TUB: variants seen among roughly 807,000 people sequenced by gnomAD.
TUB encodes TUB bipartite transcription factor.
TUB carries 33 observed loss-of-function variants against 59.7 expected under a neutral mutation model. That is an observed-to-expected ratio of 0.55 (90% CI 0.42 to 0.74). The LOEUF is 0.74. Ranked by LOEUF, TUB falls within the 30% of genes least tolerant of loss-of-function variation. The probability of loss-of-function intolerance (pLI) is 0.00; values close to 1 mark genes in which losing one functional copy is unlikely to be tolerated. For synonymous variants in TUB, 293 were observed against 256.4 expected (o/e 1.14, Z -1.36); for missense variants, 659 against 672.0 (o/e 0.98, Z 0.21).
chr11:8,033,374 A>G (rs912243396), intron 1 of TUB, among the ~76,000 whole-genome samples: 10 of 152,170 alleles, frequency 6.6e-5, no homozygotes, highest in Admixed American at 3.3e-4. Context: ...TGTCCGCCCC[A>G]GTTTGAGCAC....
At chr11:8,094,791 A>C (rs894571523) in intron 4 of TUB, among the ~76,000 whole-genome samples, 1 of 152,174 alleles carries the variant, frequency 6.6e-6, no homozygotes, top group African/African-American at 2.4e-5. Flanking sequence ...ACTTTTGTTC[A>C]CGGACAGTGG....
At chr11:8,042,378 TTGA>T (rs1942766150) in intron 2 of TUB, among the ~76,000 whole-genome samples, 1 of 152,240 alleles carries the variant, frequency 6.6e-6, no homozygotes, top group South Asian at 2.1e-4. Context: ...TATTCATCAA[TTGA>T]TGAACATTTG....
chr11:8,081,499 C>A lies in TUB; in HGVS notation c.-12C>A. On this transcript the variant is annotated 5_prime_UTR_variant, in exon 1 of 12. Coordinates refer to ENST00000299506, the MANE Select transcript of TUB (RefSeq NM_177972.3). ...CTCCAGAGCCGCAGCCACCGCCCCGCCCCCGAGAGACATGACTTCCAAGCC... is the reference window on the plus strand; with the variant it reads ...CTCCAGAGCCGCAGCCACCGCCCCGACCCCGAGAGACATGACTTCCAAGCC... The A allele has an allele frequency of 6.5e-7, 1 of 1,533,762 alleles. No homozygotes were observed. The highest frequency in any genetic ancestry group is 1.2e-5 in the South Asian group (1 of 83,248).
At chr11:8,019,824 C>T (rs1276405122) in intron 1 of TUB, among the ~76,000 whole-genome samples, 1 of 151,986 alleles carries the variant, frequency 6.6e-6, no homozygotes, top group African/African-American at 2.4e-5. Flanking sequence ...TGGCCCCGGG[C>T]GGAGTGTCCC....
intron 2 of TUB, 109 bp from the exon 3 acceptor site, chr11:8,089,960 G>T: frequency 7.0e-7 from 1 of 1,419,122 alleles, no homozygotes; most frequent in Non-Finnish European, 9.4e-7. Context: ...GTGTTGGGGT[G>T]CCAAGGACAT....
At chr11:8,087,747 C>T (rs559823908) in intron 1 of TUB, among the ~76,000 whole-genome samples, 5 of 152,248 alleles carry the variant, frequency 3.3e-5, no homozygotes, top group Non-Finnish European at 5.9e-5. Flanking sequence ...CTTATTCAGT[C>T]AGGCTGTTGG....
intron 2 of TUB, among the ~76,000 whole-genome samples, chr11:8,049,729 G>A (rs953786896): frequency 1.3e-5 from 2 of 151,372 alleles, no homozygotes; most frequent in African/African-American, 2.4e-5. Flanking sequence ...TAGTAAATTT[G>A]GAATACATAA....
chr11:8,020,843 A>G (rs992879028), intron 1 of TUB, among the ~76,000 whole-genome samples: 2 of 152,202 alleles, frequency 1.3e-5, no homozygotes, highest in African/African-American at 4.8e-5. Context: ...TCACACATTC[A>G]TTCATTTATT....
intron 1 of TUB, among the ~76,000 whole-genome samples, chr11:8,033,188 C>T (rs1027350299): frequency 1.3e-5 from 2 of 152,210 alleles, no homozygotes; most frequent in Non-Finnish European, 2.9e-5. Flanking sequence ...TGCCCCACTT[C>T]CTCCAAGCCC....
chr11:8,054,926 T>G (rs1409757445), intron 2 of TUB, among the ~76,000 whole-genome samples: 5 of 152,080 alleles, frequency 3.3e-5, no homozygotes, highest in Non-Finnish European at 5.9e-5. Context: ...GGCCAGAAGG[T>G]GAAGAGGAGG....
rs772591732 is a variant in TUB at position 8,090,197 on chromosome 11, CTACCT to C, written c.220_224del (p.Tyr74GlnfsTer49). 6.2e-7 allele frequency: 1 copy of C among 1,613,794 alleles called. No homozygotes were observed. Reference sequence around the variant, plus strand: ...AGGAACAAGCCCCCCTGGTGGAGTCCTACCTCAGCAGCAGTGGCAGCACCAGCTAC... The same window carrying C: ...AGGAACAAGCCCCCCTGGTGGAGTCCCAGCAGCAGTGGCAGCACCAGCTAC... On this transcript the variant is annotated frameshift_variant, in exon 3 of 12. Coordinates refer to ENST00000299506, the MANE Select transcript of TUB (RefSeq NM_177972.3). LOFTEE classifies it high-confidence loss of function.
chr11:8,076,947 TG>T (rs1943460603), upstream of TUB: 1 of 152,208 alleles, frequency 6.6e-6, no homozygotes, highest in Admixed American at 6.5e-5. Context: ...TCATCAACAG[TG>T]GTGCAATGGT....
At position 8,102,920 on chromosome 11, in the gene TUB, C is replaced by T. The variant is rs1195962416; in HGVS notation, c.*1301C>T. On this transcript the variant is annotated 3_prime_UTR_variant, in exon 12 of 12. Coordinates refer to ENST00000299506, the MANE Select transcript of TUB (RefSeq NM_177972.3). ...CTAGTATCTCTGGCCTCCTGGGGGC[C>T]CATTCTGCATGCCCTCCCCACTTCC... The T allele has an allele frequency of 5.3e-5, 8 of 152,064 alleles. No homozygotes were observed. The highest frequency in any genetic ancestry group is 1.7e-4 in the African/African-American group (7 of 41,370). 9.4% of individuals were successfully genotyped at this position (152,064 alleles called of 1,614,324 possible).
intron 1 of TUB, among the ~76,000 whole-genome samples, chr11:8,029,137 A>G (rs1341819584): frequency 2.0e-5 from 3 of 152,208 alleles, no homozygotes; most frequent in Non-Finnish European, 4.4e-5. Context: ...TCTGGCCCAC[A>G]CTGGTCTCTT....
At chr11:8,077,066 G>T (rs1012127663), upstream of TUB, 3 of 152,148 alleles carry the variant, frequency 2.0e-5, no homozygotes, top group Admixed American at 2.0e-4. Flanking sequence ...CTTCAAAATG[G>T]CACTTGACTC....
intron 1 of TUB, among the ~76,000 whole-genome samples, chr11:8,088,995 C>G (rs1383633954): frequency 6.6e-6 from 1 of 152,194 alleles, no homozygotes; most frequent in Non-Finnish European, 1.5e-5. Context: ...GGCTGAGGGA[C>G]TGGTTGGTCT....
chr11:8,078,588 A>T (rs774038254), upstream of TUB, among the ~76,000 whole-genome samples: 1 of 152,292 alleles, frequency 6.6e-6, no homozygotes, highest in East Asian at 1.9e-4. Flanking sequence ...ATGCATTCTG[A>T]GTAGAATGTT....
intron 1 of TUB, among the ~76,000 whole-genome samples, chr11:8,027,619 A>G (rs564048532): frequency 2.6e-4 from 39 of 152,220 alleles, no homozygotes; most frequent in African/African-American, 8.9e-4. Flanking sequence ...GGTTCAAGCA[A>G]TTCTCCTGCC....
intron 1 of TUB, among the ~76,000 whole-genome samples, chr11:8,084,189 CCTCT>C (rs778302594): frequency 3.3e-5 from 5 of 152,032 alleles, no homozygotes; most frequent in African/African-American, 7.2e-5. Flanking sequence ...GGTTTTACTC[CCTCT>C]CTAATGGTTA....
Sources: gnomAD v4.1 joint callset for allele counts (sites outside exome capture counted in the v4.1 genomes callset) on GRCh38, gnomAD v4.1.1 for gene constraint, MANE v1.5 for transcripts, NCBI Gene and HGNC (gene_info 2026-07-23, HGNC 2026-07-21) for gene names.